INPP4B: variants seen among roughly 807,000 people sequenced by gnomAD.
INPP4B encodes inositol polyphosphate-4-phosphatase type II B.
In INPP4B, 55 loss-of-function variants were observed where a neutral mutation model predicts 122.5. The observed-to-expected ratio is 0.45, with a 90% CI of 0.36 to 0.56. INPP4B has a LOEUF of 0.56. Among genes scored for constraint, INPP4B ranks in the 20% least tolerant of loss-of-function variants. The probability of loss-of-function intolerance (pLI) is 0.00; values close to 1 mark genes in which losing one functional copy is unlikely to be tolerated. For synonymous variants in INPP4B, 403 were observed against 388.7 expected (o/e 1.04, Z -0.43); for missense variants, 1,000 against 1,097.7 (o/e 0.91, Z 1.26).
intron 9 of INPP4B, among the ~76,000 whole-genome samples, chr4:142,277,400 C>G (rs533389157): frequency 6.6e-6 from 1 of 151,552 alleles, no homozygotes; most frequent in African/African-American, 2.4e-5. Flanking sequence ...TAGGTGTTGA[C>G]GTGGTTGTGG....
chr4:142,619,577 A>G (rs566704996), intron 2 of INPP4B, among the ~76,000 whole-genome samples: 3 of 152,164 alleles, frequency 2.0e-5, no homozygotes, highest in Admixed American at 2.0e-4. Flanking sequence ...ACAGAACCAG[A>G]GAGTAGAATG....
intron 2 of INPP4B, among the ~76,000 whole-genome samples, chr4:142,703,922 G>A (rs1762138401): frequency 6.6e-6 from 1 of 152,198 alleles, no homozygotes; most frequent in Non-Finnish European, 1.5e-5. Context: ...CCTTCAAAGT[G>A]TGGAAGGAGA....
intron 7 of INPP4B, among the ~76,000 whole-genome samples, chr4:142,366,206 C>T (rs953645097): frequency 9.2e-5 from 14 of 152,086 alleles, no homozygotes; most frequent in African/African-American, 3.1e-4. Context: ...GCCTGCAAAA[C>T]ATTGCTTCTA....
At chr4:142,252,246 T>G (rs1046295510) in intron 11 of INPP4B, among the ~76,000 whole-genome samples, 1 of 147,460 alleles carries the variant, frequency 6.8e-6, no homozygotes, top group South Asian at 2.2e-4. Context: ...TGGAGTGCAG[T>G]GGCGCGATCT....
At chr4:142,767,217 CG>C (rs1772289076) in intron 1 of INPP4B, among the ~76,000 whole-genome samples, 1 of 152,044 alleles carries the variant, frequency 6.6e-6, no homozygotes, top group Non-Finnish European at 1.5e-5. Context: ...GTTCTTCTTC[CG>C]GTGGGGGAGG....
rs889745355 is a variant in INPP4B at position 142,202,763 on chromosome 4, A to G, written c.1072+5662T>C. The G allele has an allele frequency of 2.8e-5, 28 of 985,106 alleles. No individual in the cohort carries two copies. In the Admixed American group the frequency reaches 1.1e-3, roughly 39 times the overall value. 61.0% of individuals were successfully genotyped at this position (985,106 alleles called of 1,614,324 possible). On this transcript the variant is annotated intron_variant, in intron 14 of 25. Transcript: ENST00000262992. ...ACCAATTTGCGGAATCCCACTTGAG[A>G]TATCTGAAAAACAACAAACAAAAAC... is the stretch of plus-strand genomic sequence containing the variant.
At chr4:142,333,800 G>A (rs1373361683) in intron 7 of INPP4B, among the ~76,000 whole-genome samples, 1 of 152,026 alleles carries the variant, frequency 6.6e-6, no homozygotes, top group African/African-American at 2.4e-5. Context: ...TTTGATGTAT[G>A]TATACACTGT....
At chr4:142,170,942 G>A (rs899314540) in intron 16 of INPP4B, among the ~76,000 whole-genome samples, 1 of 151,732 alleles carries the variant, frequency 6.6e-6, no homozygotes, top group African/African-American at 2.4e-5. Context: ...ATGTGCCTTG[G>A]TTCTCAGTAG....
intron 2 of INPP4B, among the ~76,000 whole-genome samples, chr4:142,479,925 T>C (rs1018568673): frequency 6.6e-6 from 1 of 152,164 alleles, no homozygotes; most frequent in African/African-American, 2.4e-5. Context: ...TTTATCTATA[T>C]AACACTGCGC....
intron 3 of INPP4B, among the ~76,000 whole-genome samples, chr4:142,450,526 G>A (rs559494963): frequency 6.6e-6 from 1 of 152,036 alleles, no homozygotes; most frequent in Non-Finnish European, 1.5e-5. Context: ...ATCAGGAGAG[G>A]TGCTACTAAT....
At chr4:142,337,851 C>G (rs1305672578) in intron 7 of INPP4B, among the ~76,000 whole-genome samples, 1 of 150,234 alleles carries the variant, frequency 6.7e-6, no homozygotes, top group Non-Finnish European at 1.5e-5. Context: ...CCTCTCTCTA[C>G]AACTTGTCTC....
At chr4:142,325,035 T>C (rs1771798412) in intron 7 of INPP4B, among the ~76,000 whole-genome samples, 1 of 152,206 alleles carries the variant, frequency 6.6e-6, no homozygotes, top group Non-Finnish European at 1.5e-5. Flanking sequence ...TGGCTCCCGA[T>C]AGCTCAGCGT....
At chr4:142,759,761 G>A (rs540700865) in intron 1 of INPP4B, among the ~76,000 whole-genome samples, 5 of 137,050 alleles carry the variant, frequency 3.6e-5, no homozygotes, top group South Asian at 2.4e-4. Context: ...TGATGTGTCC[G>A]AGATCACAAA....
chr4:142,807,897 A>G (rs1299381341), intron 1 of INPP4B, among the ~76,000 whole-genome samples: 1 of 152,164 alleles, frequency 6.6e-6, no homozygotes, highest in Non-Finnish European at 1.5e-5. Flanking sequence ...GAAAACTAAG[A>G]TTTGTCTATG....
chr4:142,841,853 CAA>C (rs776431269), intron 1 of INPP4B, among the ~76,000 whole-genome samples: 2 of 151,814 alleles, frequency 1.3e-5, no homozygotes, highest in Non-Finnish European at 3.0e-5. Flanking sequence ...GTGTATCTCG[CAA>C]ACTTTTCTAT....
In INPP4B at chr4:142,212,252, T is replaced by A. The variant is rs187913687; in HGVS notation, c.837-3226A>T. On this transcript the variant is annotated intron_variant, in intron 12 of 25. Transcript: ENST00000262992. The stretch of plus-strand genomic sequence containing the variant: ...ATGGCAATGTGCGATTCCCCAGAGA[T>A]TTAAAAGAGCAGTAATAAATCCAGC... Among the ~76,000 whole-genome samples the A allele has an allele frequency of 1.5e-3, 226 of 152,158 alleles. 1 individual carries two copies. The highest frequency in any genetic ancestry group is 6.8e-3 in the Middle Eastern group (2 of 294).
intron 25 of INPP4B, among the ~76,000 whole-genome samples, chr4:142,049,970 AC>A (rs1261931667): frequency 1.1e-4 from 17 of 152,162 alleles, no homozygotes; most frequent in Middle Eastern, 3.4e-3. Flanking sequence ...ATATCTCATT[AC>A]TCAAAATCAC....
chr4:142,108,364 G>T (rs1788226618), intron 22 of INPP4B, among the ~76,000 whole-genome samples, 174 bp from the exon 23 acceptor site: 1 of 80,666 alleles, frequency 1.2e-5, no homozygotes, highest in Non-Finnish European at 3.5e-5. Context: ...ATCTCCACTG[G>T]CCCTGATTTC....
chr4:142,354,852 T>C (rs1238790650), intron 7 of INPP4B, among the ~76,000 whole-genome samples: 2 of 152,036 alleles, frequency 1.3e-5, no homozygotes, highest in East Asian at 3.9e-4. Flanking sequence ...TCTATTTCTG[T>C]ATAACAAAGC....
Sources: allele counts gnomAD v4.1 joint callset (sites outside exome capture counted in the v4.1 genomes callset), GRCh38; gene constraint gnomAD v4.1.1; transcripts MANE v1.5; gene names NCBI Gene and HGNC (gene_info 2026-07-23, HGNC 2026-07-21).